Variants in ZCWPW1 observed in about 807,000 individuals in gnomAD.
The protein encoded by ZCWPW1 is zinc finger CW-type PWWP domain protein 1.
Under a neutral mutation model 81.3 loss-of-function variants are expected in ZCWPW1, and 56 were observed. The ratio of observed to expected loss-of-function variants is 0.69; its 90% CI spans 0.56 to 0.86. The LOEUF is 0.86. Among genes scored for constraint, ZCWPW1 ranks in the 40% least tolerant of loss-of-function variants. The pLI, the probability that ZCWPW1 is intolerant of heterozygous loss-of-function variation, is 0.00. For synonymous variants in ZCWPW1, 250 were observed against 273.7 expected (o/e 0.91, Z 0.86); for missense variants, 650 against 769.8 (o/e 0.84, Z 1.84).
chr7:100,418,424 G>A (rs1409112333), intron 5 of ZCWPW1, among the ~76,000 whole-genome samples: 2 of 152,182 alleles, frequency 1.3e-5, no homozygotes, highest in African/African-American at 4.8e-5. Flanking sequence ...GCTGAAATGG[G>A]AGAATCGTTT....
chr7:100,421,673 A>G (rs185490526), intron 2 of ZCWPW1, among the ~76,000 whole-genome samples: 1 of 151,944 alleles, frequency 6.6e-6, no homozygotes, highest in South Asian at 2.1e-4. Flanking sequence ...CTACTCACAG[A>G]TGTTCCACAC....
chr7:100,421,770 G>A (rs1396165421), intron 2 of ZCWPW1, among the ~76,000 whole-genome samples: 1 of 151,832 alleles, frequency 6.6e-6, no homozygotes, highest in Non-Finnish European at 1.5e-5. Context: ...TCGGTGCACC[G>A]CAACCTCCGC....
Position 100,425,126 on chromosome 7 carries a change from A to G in ZCWPW1, c.-126T>C, listed in dbSNP as rs1563151985. ...TGAATTAACTTCTTTCACAATAACA[A>G]ATACTGAAAGCTGGTTCAGAGAGAG... is the stretch of plus-strand genomic sequence containing the variant. On this transcript the variant is annotated 5_prime_UTR_variant, in exon 2 of 18. Coordinates refer to ENST00000684423, the MANE Select transcript of ZCWPW1 (RefSeq NM_001386010.1). 6.6e-6 allele frequency: 1 copy of G among 152,220 alleles called. No homozygotes were observed. Among genetic ancestry groups the G allele is most frequent in the African/African-American group, 2.4e-5 (1 of 41,468 alleles). The allele number at this position is 152,220 out of a possible 1,614,324, so 9.4% of individuals were successfully genotyped here. A position where few individuals can be genotyped will look rare whatever the true frequency, so the allele number is the denominator to read the frequency against.
intron 8 of ZCWPW1, among the ~76,000 whole-genome samples, chr7:100,412,053 C>T (rs1794279789): frequency 6.6e-6 from 1 of 152,034 alleles, no homozygotes; most frequent in South Asian, 2.1e-4. Flanking sequence ...CTGTCCCCCT[C>T]CCCCTGATTT....
Position 100,419,759 on chromosome 7 carries a change from G to T in ZCWPW1, c.153C>A (p.Ala51=). The change falls in exon 4 of 18, where the codon GCC becomes GCA. Residue 51 remains alanine, a synonymous_variant. Transcript: ENST00000684423. ...AACTGGCCTTTGGCAGGCTTATCCT[G>T]GCCTCTGTCTCTGGGGAACTGATCC... ...TPGISSPETE[A]RISLPKASLK... is the part of the protein sequence containing the mutation. 1 of 1,613,928 alleles carries T rather than the reference G, an allele frequency of 6.2e-7. No homozygotes were observed. Among genetic ancestry groups the T allele is most frequent in the Non-Finnish European group, 8.5e-7 (1 of 1,180,020 alleles).
chr7:100,403,063 GA>G (rs1436402155), intron 15 of ZCWPW1, among the ~76,000 whole-genome samples: 2 of 152,088 alleles, frequency 1.3e-5, no homozygotes, highest in Non-Finnish European at 1.5e-5. Flanking sequence ...AGAGAATAAA[GA>G]GGAAAGAAGA....
Position 100,401,984 on chromosome 7 carries a change from A to G in ZCWPW1, c.1532T>C (p.Ile511Thr). Reference protein sequence around the residue: ...DGRGRTLQRKIMKRSLGRKST... With the variant: ...DGRGRTLQRKTMKRSLGRKST... ...TTTCCTGCCTAGAGATCTCTTCATT[A>G]TCTTCCTCTGCAGTGTCCTGCCTCG... The change falls in exon 17 of 18, where the codon ATA becomes ACA. Residue 511 changes from isoleucine to threonine, a missense_variant. By Grantham distance (89) the Ile-to-Thr change is moderately conservative (BLOSUM62 -1). Transcript: ENST00000684423. 1 of 1,614,092 alleles carries G rather than the reference A, an allele frequency of 6.2e-7. No homozygotes were observed. Among genetic ancestry groups the G allele is most frequent in the Non-Finnish European group, 8.5e-7 (1 of 1,180,014 alleles).
intron 8 of ZCWPW1, among the ~76,000 whole-genome samples, chr7:100,411,549 G>T (rs1794169853): frequency 1.3e-5 from 2 of 152,130 alleles, no homozygotes; most frequent in South Asian, 4.1e-4. Context: ...GATTACAGGG[G>T]TGAGCCACCA....
chr7:100,413,876 G>A (rs1042691743), intron 8 of ZCWPW1, among the ~76,000 whole-genome samples: 3 of 152,082 alleles, frequency 2.0e-5, no homozygotes, highest in South Asian at 4.2e-4. Context: ...GAGCCACTGC[G>A]CCAGGCCTCT....
Position 100,401,271 on chromosome 7 carries a change from C to T in ZCWPW1, c.1693G>A (p.Glu565Lys), listed in dbSNP as rs200307713. 1.9e-6 allele frequency: 3 copies of T among 1,604,590 alleles called. No individual in the cohort carries two copies. In the Admixed American group the frequency reaches 5.1e-5, roughly 27 times the overall value. ...AGGTTCTTTGGCACTGTTCTAACTTCTTTTCCCTCTGAAAAGCTGGCTGCC... is the reference window on the plus strand; with the variant it reads ...AGGTTCTTTGGCACTGTTCTAACTTTTTTTCCCTCTGAAAAGCTGGCTGCC... ...ALAASFSEGK[E>K]VRTVPKNLGL... Residue 565 changes from glutamate (E) to lysine (K), a missense_variant, in exon 18 of 18, where the codon GAA (glutamate) becomes AAA (lysine). Coordinates refer to ENST00000684423, the MANE Select transcript of ZCWPW1 (RefSeq NM_001386010.1).
rs1252577239 is a variant in ZCWPW1 at position 100,402,748 on chromosome 7, C to T, written c.1414-172G>A. Among the ~76,000 whole-genome samples, 4 of 152,150 alleles carry T rather than the reference C, an allele frequency of 2.6e-5. No homozygotes were observed. The East Asian group carries it at 5.8e-4, about 22-fold the overall frequency. ...ACAGAGAAAAATGTATGGTCACTTT[C>T]CCAGTCTGTTGGTATTCATCAATGC... On this transcript the variant is annotated intron_variant, in intron 15 of 17. Transcript: ENST00000684423.
intron 9 of ZCWPW1, among the ~76,000 whole-genome samples, chr7:100,409,227 T>A (rs1461027282): frequency 2.0e-5 from 3 of 152,074 alleles, no homozygotes; most frequent in Non-Finnish European, 4.4e-5. Context: ...CCCAACAAGA[T>A]CACTTTACAG....
chr7:100,409,685 C>T, intron 8 of ZCWPW1, 141 bp from the exon 9 acceptor site: 2 of 623,160 alleles, frequency 3.2e-6, no homozygotes, highest in South Asian at 2.0e-5. Context: ...CGATCCCTGA[C>T]TTATAAGAGG....
intron 8 of ZCWPW1, among the ~76,000 whole-genome samples, chr7:100,414,539 T>C (rs1794816139): frequency 1.3e-5 from 2 of 151,982 alleles, no homozygotes; most frequent in African/African-American, 4.8e-5. Flanking sequence ...CCTCAGCCTC[T>C]TGAACAGCTA....
chr7:100,401,435 G>T, intron 17 of ZCWPW1, 99 bp from the exon 18 acceptor site: 1 of 1,135,158 alleles, frequency 8.8e-7, no homozygotes, highest in Non-Finnish European at 1.2e-6. Flanking sequence ...AGAAATCTCT[G>T]GAAAAGATGA....
intron 8 of ZCWPW1, among the ~76,000 whole-genome samples, chr7:100,414,452 G>C (rs2130691901): frequency 6.6e-6 from 1 of 152,234 alleles, no homozygotes. Context: ...GTCTTGCTCT[G>C]TCACCAAGGC....
Position 100,401,176 on chromosome 7 carries a change from C to T in ZCWPW1, c.1788G>A (p.Leu596=). 1 of 1,614,260 alleles carries T rather than the reference C, an allele frequency of 6.2e-7. No individual in the cohort carries two copies. The highest frequency in any genetic ancestry group is 8.5e-7 in the Non-Finnish European group (1 of 1,180,040). The change falls in exon 18 of 18, where the codon CTG becomes CTA. Residue 596 remains leucine (L), a synonymous_variant. Coordinates refer to ENST00000684423, the MANE Select transcript of ZCWPW1 (RefSeq NM_001386010.1). ...AKEEPRHREP[L]TQEAGSVPLE... is the part of the protein sequence containing the mutation. ...GGGGGACACTTCCAGCCTCCTGGGT[C>T]AGGGGTTCCCGGTGTCTGGGCTCTT...
intron 8 of ZCWPW1, among the ~76,000 whole-genome samples, chr7:100,412,463 T>C (rs1231388031): frequency 6.6e-6 from 1 of 152,242 alleles, no homozygotes; most frequent in Non-Finnish European, 1.5e-5. Flanking sequence ...CTTCTCCTGC[T>C]CCAACCTTCC....
Position 100,409,515 on chromosome 7 carries a change from A to G in ZCWPW1, c.784T>C (p.Phe262Leu). The change falls in exon 9 of 18, where the codon TTC becomes CTC. Residue 262 changes from phenylalanine (F) to leucine (L), a missense_variant. Transcript: ENST00000684423. ...CGCCTCCATTTCCCACAGTTTGGGA[A>G]GGAACACTGGACCCAGACCAGACAT... ...GQCLVWVQCS[F>L]PNCGKWRRLC... 6.2e-7 allele frequency: 1 copy of G among 1,614,166 alleles called. No individual in the cohort carries two copies. The highest frequency in any genetic ancestry group is 8.5e-7 in the Non-Finnish European group (1 of 1,180,004).
Sources: allele counts gnomAD v4.1 joint callset (sites outside exome capture counted in the v4.1 genomes callset), GRCh38; gene constraint gnomAD v4.1.1; transcripts MANE v1.5; gene names NCBI Gene and HGNC (gene_info 2026-07-23, HGNC 2026-07-21).